The following DMXL2 variants were observed in gnomAD, a reference collection of about 807,000 sequenced individuals.
DMXL2 encodes Dmx like 2.
DMXL2 carries 103 observed loss-of-function variants against 331.1 expected under a neutral mutation model. That is an observed-to-expected ratio of 0.31 (90% CI 0.27 to 0.37). The LOEUF is 0.37. DMXL2 is among the 10% of genes least tolerant of loss of function. The probability of loss-of-function intolerance (pLI) is 1.00; values close to 1 mark genes in which losing one functional copy is unlikely to be tolerated. For synonymous variants in DMXL2, 1,281 were observed against 1,252.1 expected, an observed-to-expected ratio of 1.02 and a Z score of -0.49; for missense variants, 3,171 against 3,642.9, an observed-to-expected ratio of 0.87 and a Z score of 3.33.
intron 33 of DMXL2, among the ~76,000 whole-genome samples, chr15:51,461,729 C>T (rs779506677): frequency 2.0e-5 from 3 of 152,060 alleles, no homozygotes; most frequent in Admixed American, 6.5e-5. Flanking sequence ...TGTTTTGTAT[C>T]TTTTGTAGAG....
intron 1 of DMXL2, among the ~76,000 whole-genome samples, chr15:51,618,165 A>T (rs918599170): frequency 1.3e-5 from 2 of 152,180 alleles, no homozygotes; most frequent in African/African-American, 4.8e-5. Flanking sequence ...AAGTTCTCTT[A>T]GTCTTCCTGA....
chr15:51,460,120 C>CCTTA, intron 33 of DMXL2: 1 of 958,856 alleles, frequency 1.0e-6, no homozygotes, highest in Non-Finnish European at 1.2e-6. Context: ...GATGATTTTT[C>CCTTA]TCTAAGTAAA....
At chr15:51,488,492 T>G in intron 21 of DMXL2, 56 bp downstream of exon 21, 1 of 1,437,318 alleles carries the variant, frequency 7.0e-7, no homozygotes, top group Non-Finnish European at 9.7e-7. Context: ...TTAGGTTTCT[T>G]ACTCACAGCA....
At position 51,453,555 on chromosome 15, in the gene DMXL2, G is replaced by A. The variant is rs368467532; in HGVS notation, c.8691C>T (p.Asp2897=). 1.3e-5 allele frequency: 21 copies of A among 1,607,416 alleles called. No homozygotes were observed. The African/African-American group carries it at 2.3e-4, about 17-fold the overall frequency. Residue 2897 remains aspartate (D), a synonymous_variant, in exon 41 of 44, where the codon GAC becomes GAT. Transcript: ENST00000560891. ...TTGCTTTTCTGTCAACCTACCTATT[G>A]TCATTGGAGTGTCCAGATGTGGCAA... ...SLVATSGHSN[D]NRNVCLWDTL...
At chr15:51,496,746 T>G (rs1409721121) in intron 18 of DMXL2, among the ~76,000 whole-genome samples, 1 of 152,190 alleles carries the variant, frequency 6.6e-6, no homozygotes, top group Non-Finnish European at 1.5e-5. Context: ...TTAATAGAAC[T>G]GATAGCATTT....
At chr15:51,524,583 T>C (rs1041265681) in intron 13 of DMXL2, among the ~76,000 whole-genome samples, 1 of 151,378 alleles carries the variant, frequency 6.6e-6, no homozygotes, top group Non-Finnish European at 1.5e-5. Flanking sequence ...GCTGAGAGAG[T>C]TTCTGTGCAC....
At chr15:51,589,710 ATAAAG>A (rs2052144266) in intron 1 of DMXL2, among the ~76,000 whole-genome samples, 2 of 152,228 alleles carry the variant, frequency 1.3e-5, no homozygotes, top group African/African-American at 4.8e-5. Context: ...TCAGCCTTTA[ATAAAG>A]TATAGAAAAA....
At chr15:51,616,638 A>G (rs1371036027) in intron 1 of DMXL2, among the ~76,000 whole-genome samples, 1 of 152,168 alleles carries the variant, frequency 6.6e-6, no homozygotes, top group East Asian at 1.9e-4. Context: ...AATTTGTTTT[A>G]AAAAATTACT....
Position 51,471,377 on chromosome 15 carries a change from A to C in DMXL2, c.7238T>G (p.Ile2413Arg). The C allele has an allele frequency of 6.2e-7, 1 of 1,612,524 alleles. No individual in the cohort carries two copies. Among genetic ancestry groups the C allele is most frequent in the Non-Finnish European group, 8.5e-7 (1 of 1,179,088 alleles). The change falls in exon 29 of 44, where the codon ATA (isoleucine) becomes AGA (arginine). Residue 2413 changes from isoleucine (I) to arginine (R), a missense_variant. Ile to Arg is a moderately conservative substitution (Grantham distance 97, BLOSUM62 -3). Transcript: ENST00000560891. ...ISAPPVLSED[I>R]DKHRRRFNMR... ...GTTAAATCTCCTACGGTGTTTATCT[A>C]TGTCTTCAGAAAGGACAGGAGGTGC... is the stretch of plus-strand genomic sequence containing the variant.
intron 28 of DMXL2, among the ~76,000 whole-genome samples, chr15:51,473,480 C>T (rs960995299): frequency 6.6e-6 from 1 of 152,096 alleles, no homozygotes; most frequent in Non-Finnish European, 1.5e-5. Flanking sequence ...ATTCAGATAT[C>T]CACATTTGAT....
chr15:51,475,038 C>T (rs2041452038), intron 27 of DMXL2, among the ~76,000 whole-genome samples: 1 of 152,146 alleles, frequency 6.6e-6, no homozygotes, highest in Non-Finnish European at 1.5e-5. Context: ...AGTAACTTTA[C>T]AATGGAGAAA....
At chr15:51,486,417 A>T (rs1160631307) in intron 22 of DMXL2, 80 bp from the exon 23 acceptor site, 5 of 1,064,086 alleles carry the variant, frequency 4.7e-6, no homozygotes. Flanking sequence ...ATACCCTGAA[A>T]TTATCTACCA....
chr15:51,483,789 C>T (rs528052153), intron 23 of DMXL2, among the ~76,000 whole-genome samples: 29 of 152,084 alleles, frequency 1.9e-4, no homozygotes, highest in African/African-American at 5.3e-4. Context: ...CCCACTTCCA[C>T]GGCCCTGTGG....
intron 15 of DMXL2, among the ~76,000 whole-genome samples, chr15:51,513,699 A>G (rs557795848): frequency 8.5e-5 from 13 of 152,244 alleles, no homozygotes; most frequent in African/African-American, 3.1e-4. Context: ...ACATGAGATT[A>G]ATTATCTGAA....
intron 40 of DMXL2, among the ~76,000 whole-genome samples, chr15:51,454,479 G>T (rs1435368353): frequency 6.6e-6 from 1 of 152,118 alleles, no homozygotes; most frequent in Admixed American, 6.6e-5. Context: ...GGAACAAATT[G>T]GAACAGATGT....
At position 51,593,977 on chromosome 15, in the gene DMXL2, C is replaced by G. The variant is rs1420731252; in HGVS notation, c.88-17796G>C. Among the ~76,000 whole-genome samples the G allele has an allele frequency of 2.0e-5, 3 of 151,974 alleles. No individual in the cohort carries two copies. The East Asian group carries it at 5.8e-4, about 29-fold the overall frequency. On this transcript the variant is annotated intron_variant, in intron 1 of 43. Transcript: ENST00000560891. ...AAGAGAAAGCAGGAAAGATCTAAAA[C>G]TGACACCCTAACATCACAATTAAAA...
At chr15:51,523,735 C>T (rs2047507981) in intron 13 of DMXL2, among the ~76,000 whole-genome samples, 1 of 152,200 alleles carries the variant, frequency 6.6e-6, no homozygotes, top group Admixed American at 6.5e-5. Flanking sequence ...AAGGAAGGAT[C>T]CTCCCCTTGA....
intron 1 of DMXL2, 49 bp downstream of exon 1, chr15:51,622,410 C>G: frequency 3.9e-6 from 6 of 1,549,582 alleles, no homozygotes; most frequent in Non-Finnish European, 5.2e-6. Flanking sequence ...TCCCTGCCCC[C>G]GCGTCTGGCC....
chr15:51,512,408 C>T (rs751686636), intron 15 of DMXL2, among the ~76,000 whole-genome samples: 9 of 152,030 alleles, frequency 5.9e-5, no homozygotes, highest in Non-Finnish European at 1.3e-4. Context: ...AGTTATTGCA[C>T]GATTCTGAGG....
Sources: gnomAD v4.1 joint callset for allele counts (sites outside exome capture counted in the v4.1 genomes callset) on GRCh38, gnomAD v4.1.1 for gene constraint, MANE v1.5 for transcripts, NCBI Gene and HGNC (gene_info 2026-07-23, HGNC 2026-07-21) for gene names.